Variants in NOS1 observed in about 807,000 individuals in gnomAD.
NOS1 encodes NOS type I.
NOS1 carries 51 observed loss-of-function variants against 164.5 expected under a neutral mutation model. That is an observed-to-expected ratio of 0.31 (90% CI 0.25 to 0.39). The LOEUF is 0.39. NOS1 is among the 10% of genes least tolerant of loss of function. NOS1 has a pLI of 1.00. For missense variants in NOS1, 1,362 were observed against 1,885.6 expected, an observed-to-expected ratio of 0.72 and a Z score of 5.14; for synonymous variants, 719 against 745.8, an observed-to-expected ratio of 0.96 and a Z score of 0.59.
chr12:117,258,380 AG>A lies in NOS1; in HGVS notation c.2531+16del. ...CCTCGGGGGTGGCGGGTGACGTCGG[AG>A]GGGTCATTCACTTACTTCCTTTCTT... On this transcript the variant is annotated intron_variant, in intron 16 of 28. Transcript: ENST00000317775. 1.2e-6 allele frequency: 2 copies of A among 1,613,852 alleles called. No homozygotes were observed. Among genetic ancestry groups the A allele is most frequent in the African/African-American group, 1.3e-5 (1 of 75,048 alleles).
At position 117,265,330 on chromosome 12, in the gene NOS1, A is replaced by AG; in HGVS notation, c.2121dup (p.Ser708LeufsTer7). On this transcript the variant is annotated frameshift_variant, in exon 12 of 29. Transcript: ENST00000317775. LOFTEE classifies it high-confidence loss of function. The stretch of plus-strand genomic sequence containing the variant: ...CAGGGAAGGACCTGGTATTCGAAGG[A>AG]GGGGGTGAGCCGGTAGTTGAGCATC... The AG allele has an allele frequency of 6.5e-7, 1 of 1,549,526 alleles. No homozygotes were observed. The highest frequency in any genetic ancestry group is 8.8e-7 in the Non-Finnish European group (1 of 1,141,502).
In NOS1 at chr12:117,278,089, G is replaced by C. The variant is rs750817857; in HGVS notation, c.1534C>G (p.Gln512Glu). The change falls in exon 9 of 29, where the codon CAG becomes GAG. Residue 512 changes from glutamine (Q) to glutamate (E), a missense_variant. This residue lies in a region of NOS1 where 134 missense variants were observed against 267.3 expected (regional missense o/e 0.50). Coordinates refer to ENST00000317775, the MANE Select transcript of NOS1 (RefSeq NM_000620.5). Reference protein sequence around the residue: ...ANVQFTEICIQQGWKPPRGRF... With the variant: ...ANVQFTEICIEQGWKPPRGRF... Reference sequence around the variant, plus strand: ...CCTCTAGGCGGTTTCCAGCCCTGCTGTATGCATATCTGCAAGCAGACCCGG... The same window carrying C: ...CCTCTAGGCGGTTTCCAGCCCTGCTCTATGCATATCTGCAAGCAGACCCGG... The C allele has an allele frequency of 2.2e-5, 35 of 1,613,016 alleles. No individual in the cohort carries two copies. The highest frequency in any genetic ancestry group is 3.0e-5 in the Non-Finnish European group (35 of 1,179,578).
chr12:117,305,419 G>A (rs79521343), intron 3 of NOS1, among the ~76,000 whole-genome samples: 2,202 of 151,186 alleles, frequency 0.015, 44 homozygotes, highest in African/African-American at 0.049. Context: ...AGCGGAGATC[G>A]CGTCATTGCA....
Position 117,243,542 on chromosome 12 carries a change from T to TCCATCC in NOS1, c.2824-108_2824-107insGGATGG. The TCCATCC allele has an allele frequency of 1.0e-6, 1 of 998,718 alleles. No homozygotes were observed. The highest frequency in any genetic ancestry group is 1.4e-6 in the Non-Finnish European group (1 of 703,522). 61.9% of individuals were successfully genotyped at this position (998,718 alleles called of 1,614,324 possible). The stretch of plus-strand genomic sequence containing the variant: ...CTCTTCATTCACCCATCCATCCATC[T>TCCATCC]ATCCAACCATCCATCCATCCATCCA... On this transcript the variant is annotated intron_variant, in intron 18 of 28. Coordinates refer to ENST00000317775, the MANE Select transcript of NOS1 (RefSeq NM_000620.5). This position sits in a 1 kb window ranked among gnomAD's most constrained non-coding sequence, Gnocchi z 4.3.
chr12:117,324,725 A>AAAT (rs1447941178), intron 2 of NOS1, among the ~76,000 whole-genome samples: 1 of 151,894 alleles, frequency 6.6e-6, no homozygotes, highest in African/African-American at 2.4e-5. Context: ...CTAAATAAAT[A>AAAT]AATAAATAAA....
Position 117,209,523 on chromosome 12 carries a change from C to T in NOS1, c.*5786G>A. ...ATGGAGGCAGATTTGTTCCCGCCTG[C>T]CAGGGCCATCTCGTTAATAACGGAC... On this transcript the variant is annotated 3_prime_UTR_variant, in exon 29 of 29. Coordinates refer to ENST00000317775, the MANE Select transcript of NOS1 (RefSeq NM_000620.5). The T allele has an allele frequency of 1.0e-6, 1 of 985,488 alleles. No individual in the cohort carries two copies. Among genetic ancestry groups the T allele is most frequent in the Non-Finnish European group, 1.2e-6 (1 of 829,954 alleles). 61.0% of individuals were successfully genotyped at this position (985,488 alleles called of 1,614,324 possible). A position where few individuals can be genotyped will look rare whatever the true frequency, so the allele number is the denominator to read the frequency against.
intron 5 of NOS1, among the ~76,000 whole-genome samples, chr12:117,287,133 G>T: frequency 6.6e-6 from 1 of 152,074 alleles, no homozygotes; most frequent in Admixed American, 6.5e-5. Context: ...AGAATCGCTT[G>T]AGTCTGGGAG....
chr12:117,287,652 T>C (rs1449399715), intron 5 of NOS1, among the ~76,000 whole-genome samples: 1 of 152,226 alleles, frequency 6.6e-6, no homozygotes, highest in Non-Finnish European at 1.5e-5. Context: ...TTGGCCAGGC[T>C]GGTCTTGAAT....
Position 117,279,949 on chromosome 12 carries a change from C to A in NOS1, c.1524+776G>T, listed in dbSNP as rs184498841. Among the ~76,000 whole-genome samples, 853 of 152,222 alleles carry A rather than the reference C, an allele frequency of 5.6e-3. 10 individuals carry two copies. The highest frequency in any genetic ancestry group is 6.6e-3 in the Non-Finnish European group (447 of 68,018). ...GCTACATCTTCAAGGAGGTACCACC[C>A]GGGAGGGGCTTGAGCAAAGGACGAC... On this transcript the variant is annotated intron_variant, in intron 8 of 28. Transcript: ENST00000317775.
chr12:117,243,564 T>TCCAG lies in NOS1; in HGVS notation c.2824-130_2824-129insCTGG, dbSNP rs1285703758. ...ATCTATCCAACCATCCATCCATCCATCCATCCATCCATCCATCCATCCATC... is the reference window on the plus strand; with the variant it reads ...ATCTATCCAACCATCCATCCATCCATCCAGCCATCCATCCATCCATCCATCCATC... On this transcript the variant is annotated intron_variant, in intron 18 of 28. Transcript: ENST00000317775. The surrounding 1 kb of genome is among the most constrained non-coding windows in gnomAD (Gnocchi z 4.3). The TCCAG allele has an allele frequency of 1.3e-6, 1 of 786,804 alleles. No individual in the cohort carries two copies. The highest frequency in any genetic ancestry group is 1.7e-5 in the African/African-American group (1 of 57,290). The allele number at this position is 786,804 out of a possible 1,614,324, so 48.7% of individuals were successfully genotyped here. A position where few individuals can be genotyped will look rare whatever the true frequency, so the allele number is the denominator to read the frequency against.
At chr12:117,322,018 C>CTCTCTCCTTCCTTTCCTCCT (rs1566075345) in intron 2 of NOS1, among the ~76,000 whole-genome samples, 1 of 43,778 alleles carries the variant, frequency 2.3e-5, no homozygotes, top group Non-Finnish European at 4.7e-5. Flanking sequence ...CCTTCCCTCC[C>CTCTCTCCTTCCTTTCCTCCT]TCTCTCCTTC....
rs147067686 is a variant in NOS1 at position 117,330,953 on chromosome 12, C to T, written c.117G>A (p.Pro39=). 170 of 1,614,150 alleles carry T rather than the reference C, an allele frequency of 1.1e-4. 1 individual carries two copies. In the Admixed American group the frequency reaches 1.1e-3, roughly 10 times the overall value. ...GFLVKERVSK[P]PVIISDLIRG... is the part of the protein sequence containing the mutation. ...GAATCAGGTCAGAGATGATCACGGG[C>T]GGCTTACTGACCCGCTCCTTCACCA... Residue 39 remains proline, a synonymous_variant, in exon 2 of 29, where the codon CCG becomes CCA. Transcript: ENST00000317775. This position sits in a 1 kb window ranked among gnomAD's most constrained non-coding sequence, Gnocchi z 4.6.
chr12:117,223,922 G>A (rs1195444329), intron 25 of NOS1, among the ~76,000 whole-genome samples: 1 of 152,158 alleles, frequency 6.6e-6, no homozygotes, highest in African/African-American at 2.4e-5. Flanking sequence ...CCAAAGTGCT[G>A]GGATTACAGG....
chr12:117,253,049 TGA>T (rs1318179571), intron 17 of NOS1, among the ~76,000 whole-genome samples: 1 of 152,322 alleles, frequency 6.6e-6, no homozygotes, highest in East Asian at 1.9e-4. Context: ...TCATAGTATG[TGA>T]CTACGCCATG....
chr12:117,315,510 AT>A (rs1874631308), intron 2 of NOS1, among the ~76,000 whole-genome samples: 1 of 152,204 alleles, frequency 6.6e-6, no homozygotes, highest in Admixed American at 6.5e-5. Context: ...AGGTTGAACT[AT>A]TTTGCTTCCC....
chr12:117,239,083 GGA>G (rs1268582190), intron 20 of NOS1, among the ~76,000 whole-genome samples: 1 of 152,184 alleles, frequency 6.6e-6, no homozygotes, highest in African/African-American at 2.4e-5. Context: ...CCCAGGCGAG[GGA>G]GAGAGAGGAG....
chr12:117,227,656 T>G lies in NOS1; in HGVS notation c.3406-15A>C, dbSNP rs546345802. The G allele has an allele frequency of 6.2e-7, 1 of 1,613,416 alleles. No homozygotes were observed. Among genetic ancestry groups the G allele is most frequent in the Non-Finnish European group, 8.5e-7 (1 of 1,179,434 alleles). On this transcript the variant is annotated splice_polypyrimidine_tract_variant and intron_variant, in intron 22 of 28. Transcript: ENST00000317775. ...TCCTGCAAACCCTGTGCCAAGGAGATGGACAGAGACAAGCTTGAACCCAGC... is the reference window on the plus strand; with the variant it reads ...TCCTGCAAACCCTGTGCCAAGGAGAGGGACAGAGACAAGCTTGAACCCAGC...
chr12:117,209,182 A>G lies in NOS1; in HGVS notation c.*6127T>C. ...TATAATGAGAAGTCCTGGGGTAGCC[A>G]GCAGAGATTCTCTTGACCCTGAAGT... On this transcript the variant is annotated 3_prime_UTR_variant, in exon 29 of 29. Coordinates refer to ENST00000317775, the MANE Select transcript of NOS1 (RefSeq NM_000620.5). 1 of 985,420 alleles carries G rather than the reference A, an allele frequency of 1.0e-6. No individual in the cohort carries two copies. The highest frequency in any genetic ancestry group is 4.7e-5 in the South Asian group (1 of 21,284). 61.0% of individuals were successfully genotyped at this position (985,420 alleles called of 1,614,324 possible).
Position 117,208,233 on chromosome 12 carries a change from A to T in NOS1, c.*7076T>A, listed in dbSNP as rs1361677360. ...TAAAATTGGAAGATGAGAACTATAC[A>T]GAAGAAGAGCATGCGACAAACACAG... is the stretch of plus-strand genomic sequence containing the variant. On this transcript the variant is annotated 3_prime_UTR_variant, in exon 29 of 29. Coordinates refer to ENST00000317775, the MANE Select transcript of NOS1 (RefSeq NM_000620.5). 4.1e-5 allele frequency: 51 copies of T among 1,246,480 alleles called. No homozygotes were observed. The highest frequency in any genetic ancestry group is 5.1e-5 in the Non-Finnish European group (49 of 957,658). The allele number at this position is 1,246,480 out of a possible 1,614,324, so 77.2% of individuals were successfully genotyped here. A position where few individuals can be genotyped will look rare whatever the true frequency, so the allele number is the denominator to read the frequency against.
Sources: gnomAD v4.1 joint callset for allele counts (sites outside exome capture counted in the v4.1 genomes callset) on GRCh38, gnomAD v4.1.1 for gene constraint, gnomAD v4.1.1 regional missense constraint, Gnocchi (gnomAD v3.1) non-coding constraint, MANE v1.5 for transcripts, NCBI Gene and HGNC (gene_info 2026-07-23, HGNC 2026-07-21) for gene names.